IFT27: variants seen among roughly 807,000 people sequenced by gnomAD.
IFT27 encodes intraflagellar transport 27, also known as intraflagellar transport protein 27 homolog.
A neutral mutation model predicts 23.9 loss-of-function variants in IFT27; 19 were observed. That is an observed-to-expected ratio of 0.79 (90% CI 0.55 to 1.16). IFT27 has a LOEUF of 1.16. Among genes scored for constraint, IFT27 ranks in the 50% most tolerant of loss-of-function variants. IFT27 has a pLI of 0.00. For synonymous variants in IFT27, 91 were observed against 89.1 expected (o/e 1.02, Z -0.12); for missense variants, 206 against 228.7 (o/e 0.90, Z 0.64).
chr22:36,769,711 G>C (rs757090848), intron 1 of IFT27, among the ~76,000 whole-genome samples: 1 of 152,126 alleles, frequency 6.6e-6, no homozygotes, highest in African/African-American at 2.4e-5. Flanking sequence ...GGCAACCACA[G>C]CCTAGACTGT....
Position 36,762,935 on chromosome 22 carries a change from C to T in IFT27, c.431G>A (p.Gly144Asp). The T allele has an allele frequency of 6.3e-7, 1 of 1,594,100 alleles. No individual in the cohort carries two copies. The highest frequency in any genetic ancestry group is 8.6e-7 in the Non-Finnish European group (1 of 1,167,144). ...DSAEARAWAL[G>D]QGLECFETSV... Reference sequence around the variant, plus strand: ...TGTTTCAAAACATTCCAGGCCCTGGCCCAGCGCCCATGCCCGGGCCTCAGC... The same window carrying T: ...TGTTTCAAAACATTCCAGGCCCTGGTCCAGCGCCCATGCCCGGGCCTCAGC... Residue 144 changes from glycine (G) to aspartate (D), a missense_variant, in exon 6 of 7, where the codon GGC becomes GAC. Coordinates refer to ENST00000433985, the MANE Select transcript of IFT27 (RefSeq NM_001177701.3).
At chr22:36,767,237 G>A (rs762123903) in intron 3 of IFT27, 69 bp downstream of exon 3, 2 of 1,235,492 alleles carry the variant, frequency 1.6e-6, no homozygotes, top group South Asian at 2.4e-5. Flanking sequence ...AGGGAGGATG[G>A]TGTGACCACA....
intron 1 of IFT27, 33 bp downstream of exon 1, chr22:36,775,641 C>T (rs372071343): frequency 1.4e-4 from 219 of 1,612,784 alleles, no homozygotes; most frequent in Non-Finnish European, 1.8e-4. Flanking sequence ...ACTCCAGAGA[C>T]CACCGTATTC....
chr22:36,766,641 T>G (rs952737128), intron 3 of IFT27, among the ~76,000 whole-genome samples: 7 of 152,204 alleles, frequency 4.6e-5, no homozygotes, highest in African/African-American at 1.7e-4. Context: ...GTGTTTAAAG[T>G]AGGACATTCT....
chr22:36,763,931 T>G lies in IFT27; in HGVS notation c.340A>C (p.Ile114Leu). ...CTGCAGCCCGTACCTGGGAGAGAGA[T>G]GCCTGGAGCCTGTGACCGAGCCTTC... is the stretch of plus-strand genomic sequence containing the variant. The part of the protein sequence containing the change: ...LEKARSQAPG[I>L]SLPGVLVGNK... The change falls in exon 5 of 7, where the codon ATC becomes CTC. Residue 114 changes from isoleucine to leucine, a missense_variant. Physicochemically the swap from Ile to Leu is conservative, Grantham distance 5 (BLOSUM62 2). Coordinates refer to ENST00000433985, the MANE Select transcript of IFT27 (RefSeq NM_001177701.3). The G allele has an allele frequency of 6.2e-7, 1 of 1,612,030 alleles. No individual in the cohort carries two copies. Among genetic ancestry groups the G allele is most frequent in the East Asian group, 2.2e-5 (1 of 44,876 alleles).
intron 6 of IFT27, chr22:36,760,922 G>T (rs1938073075): frequency 6.0e-6 from 1 of 167,120 alleles, no homozygotes; most frequent in African/African-American, 2.4e-5. Context: ...GATGGTCACT[G>T]CGGTGTTTAG....
chr22:36,774,570 G>A (rs559125279), intron 1 of IFT27, among the ~76,000 whole-genome samples: 24 of 152,318 alleles, frequency 1.6e-4, no homozygotes, highest in African/African-American at 4.8e-4. Flanking sequence ...CACTTTGGGA[G>A]GCCGAGGTGG....
At chr22:36,772,835 A>G in intron 1 of IFT27, 3 of 969,410 alleles carry the variant, frequency 3.1e-6, no homozygotes, top group Non-Finnish European at 3.7e-6. Flanking sequence ...CATGGATGGA[A>G]AAATAAAACC....
chr22:36,766,138 C>A lies in IFT27; in HGVS notation c.234G>T (p.Leu78Phe). Residue 78 changes from leucine (L) to phenylalanine (F), a missense_variant and splice_region_variant, in exon 4 of 7, where the codon TTG becomes TTT. Leu to Phe is a conservative substitution (Grantham distance 22). Coordinates refer to ENST00000433985, the MANE Select transcript of IFT27 (RefSeq NM_001177701.3). ...AGGAAAAAGACCACGTGCTACTTGCCAATTTATCCAGCATTTCCGAAAACA... is the reference window on the plus strand; with the variant it reads ...AGGAAAAAGACCACGTGCTACTTGCAAATTTATCCAGCATTTCCGAAAACA... ...KELFSEMLDK[L>F]WESPNVLCLV... 1 of 1,613,750 alleles carries A rather than the reference C, an allele frequency of 6.2e-7. No homozygotes were observed. Among genetic ancestry groups the A allele is most frequent in the East Asian group, 2.2e-5 (1 of 44,886 alleles).
intron 1 of IFT27, among the ~76,000 whole-genome samples, chr22:36,768,975 A>C (rs1828222110): frequency 6.6e-6 from 1 of 152,206 alleles, no homozygotes; most frequent in African/African-American, 2.4e-5. Flanking sequence ...AGTCGGCTTC[A>C]ACACTCCTTT....
chr22:36,775,580 G>T, intron 1 of IFT27, 94 bp downstream of exon 1: 1 of 1,347,626 alleles, frequency 7.4e-7, no homozygotes, highest in East Asian at 2.3e-5. Context: ...GAAAGGAAAA[G>T]GTAGGCAATT....
At chr22:36,768,106 C>T (rs1294336734) in intron 1 of IFT27, 4 of 626,240 alleles carry the variant, frequency 6.4e-6, no homozygotes, top group South Asian at 4.5e-5. Context: ...GGAACTGACC[C>T]AGAAGGTAAC....
At chr22:36,765,984 T>C (rs1938238559) in intron 4 of IFT27, among the ~76,000 whole-genome samples, 154 bp downstream of exon 4, 1 of 152,154 alleles carries the variant, frequency 6.6e-6, no homozygotes, top group Non-Finnish European at 1.5e-5. Flanking sequence ...CAAGTATCCA[T>C]GAGTCCTGGG....
Position 36,776,014 on chromosome 22 carries a change from C to T in IFT27, c.-307G>A, listed in dbSNP as rs1202074079. On this transcript the variant is annotated 5_prime_UTR_variant, in exon 1 of 7. Coordinates refer to ENST00000433985, the MANE Select transcript of IFT27 (RefSeq NM_001177701.3). ...CACGGCCTGTGCTCCCCGCCCAGCC[C>T]CTCAGCACAGCCCTACCCAGAGGGT... 1.9e-6 allele frequency: 1 copy of T among 518,800 alleles called. No individual in the cohort carries two copies. The highest frequency in any genetic ancestry group is 3.2e-5 in the Admixed American group (1 of 31,468). 32.1% of individuals were successfully genotyped at this position (518,800 alleles called of 1,614,324 possible).
intron 1 of IFT27, among the ~76,000 whole-genome samples, chr22:36,773,244 G>A (rs1237466189): frequency 2.6e-5 from 4 of 151,946 alleles, no homozygotes; most frequent in East Asian, 3.9e-4. Flanking sequence ...CTGTATCCCC[G>A]GCTGCTCGGG....
intron 1 of IFT27, among the ~76,000 whole-genome samples, chr22:36,770,760 TCGGCCCTCCCTGCTGACCCTGCC>T (rs953804170): frequency 6.6e-6 from 1 of 152,102 alleles, no homozygotes; most frequent in African/African-American, 2.4e-5. Flanking sequence ...CCACCTCTGC[TCGGCCCTCCCTGCTGACCCTGCC>T]CCAGTTAGCT....
intron 4 of IFT27, 28 bp from the exon 5 acceptor site, chr22:36,764,064 G>T (rs775335107): frequency 6.6e-7 from 1 of 1,506,014 alleles, no homozygotes; most frequent in Non-Finnish European, 9.2e-7. Flanking sequence ...GATGAGTATG[G>T]GTCAGTAACA....
At chr22:36,760,058 A>T (rs1356715005) in intron 6 of IFT27, 1 of 152,210 alleles carries the variant, frequency 6.6e-6, no homozygotes, top group Non-Finnish European at 1.5e-5. Context: ...CAAGACGAAC[A>T]TTTATAGTAA....
intron 5 of IFT27, 142 bp from the exon 6 acceptor site, chr22:36,763,155 G>A (rs1452523718): frequency 1.9e-6 from 1 of 516,266 alleles, no homozygotes; most frequent in Non-Finnish European, 3.4e-6. Flanking sequence ...CCCCCCACAG[G>A]GAAAGCCGGG....
Sources: gnomAD v4.1 joint callset for allele counts (sites outside exome capture counted in the v4.1 genomes callset) on GRCh38, gnomAD v4.1.1 for gene constraint, MANE v1.5 for transcripts, NCBI Gene and HGNC (gene_info 2026-07-23, HGNC 2026-07-21) for gene names.